The following USP8 variants were observed in gnomAD, a reference collection of about 807,000 sequenced individuals.
The protein encoded by USP8 is ubiquitin specific peptidase 8.
A neutral mutation model predicts 130.0 loss-of-function variants in USP8; 27 were observed. That is an observed-to-expected ratio of 0.21 (90% confidence interval 0.15 to 0.29). The LOEUF is 0.29. Ranked by LOEUF, USP8 falls within the 10% of genes least tolerant of loss-of-function variation. The pLI is 1.00. For missense variants in USP8, 1,029 were observed against 1,312.2 expected, an observed-to-expected ratio of 0.78 and a Z score of 3.33; for synonymous variants, 392 against 444.1, an observed-to-expected ratio of 0.88 and a Z score of 1.48.
Position 50,481,897 on chromosome 15 carries a change from CA to C in USP8, c.1638del (p.Glu547LysfsTer2). The C allele has an allele frequency of 6.3e-7, 1 of 1,589,026 alleles. No homozygotes were observed. Among genetic ancestry groups the C allele is most frequent in the Admixed American group, 1.9e-5 (1 of 53,588 alleles). On this transcript the variant is annotated frameshift_variant, in exon 11 of 20. Coordinates refer to ENST00000307179, the MANE Select transcript of USP8 (RefSeq NM_005154.5). LOFTEE classifies it high-confidence loss of function. ...EDKETSAKRG[K>X]EITGVKRQSK... ...ATAAAGAAACCTCAGCAAAGAGGGG[CA>C]AAGAAATAACAGGAGTAAAAAGACA...
At chr15:50,433,667 G>A (rs754128223) in intron 1 of USP8, among the ~76,000 whole-genome samples, 11 of 151,946 alleles carry the variant, frequency 7.2e-5, no homozygotes, top group African/African-American at 7.3e-5. Flanking sequence ...GTGCAGTGGC[G>A]CGATCTCAGC....
chr15:50,493,182 C>T (rs2052245340), intron 15 of USP8: 1 of 542,638 alleles, frequency 1.8e-6, no homozygotes, highest in Admixed American at 2.3e-5. Flanking sequence ...CTAAACGGCA[C>T]CTAATCCTGT....
Position 50,505,230 on chromosome 15 carries a change from T to A in USP8, c.*6142T>A, listed in dbSNP as rs2052642860. 1 of 151,754 alleles carries A rather than the reference T, an allele frequency of 6.6e-6. No homozygotes were observed. The allele number at this position is 151,754 out of a possible 1,614,324, so 9.4% of individuals were successfully genotyped here. A position where few individuals can be genotyped will look rare whatever the true frequency, so the allele number is the denominator to read the frequency against. The stretch of plus-strand genomic sequence containing the variant: ...GGAAATGCAGCGAGCCAGGGATAAA[T>A]AAAAATAATACTGCAGAACAACAGA... On this transcript the variant is annotated 3_prime_UTR_variant, in exon 20 of 20. Transcript: ENST00000307179.
intron 4 of USP8, among the ~76,000 whole-genome samples, chr15:50,450,806 A>G (rs2050607834): frequency 6.6e-6 from 1 of 152,100 alleles, no homozygotes; most frequent in Non-Finnish European, 1.5e-5. Context: ...TGTTTCCCTT[A>G]TCAACAACAT....
Position 50,481,686 on chromosome 15 carries a change from AAAAC to A in USP8, c.1431_1434del (p.Gln478LysfsTer16). Reference sequence around the variant, plus strand: ...GCAGAAACTGCTCTTCTAATGGAAAAAAACAAACAAGAAAAAGAACTTCGGGAAA... The same window carrying A: ...GCAGAAACTGCTCTTCTAATGGAAAAAAACAAGAAAAAGAACTTCGGGAAA... On this transcript the variant is annotated frameshift_variant, in exon 11 of 20. Transcript: ENST00000307179. LOFTEE classifies it high-confidence loss of function. 1 of 1,612,282 alleles carries A rather than the reference AAAAC, an allele frequency of 6.2e-7. No individual in the cohort carries two copies. Among genetic ancestry groups the A allele is most frequent in the Non-Finnish European group, 8.5e-7 (1 of 1,179,700 alleles).
rs1285769236 is a variant in USP8 at position 50,496,996 on chromosome 15, T to C, written c.2896-93T>C. 7.5e-6 allele frequency: 11 copies of C among 1,462,868 alleles called. No individual in the cohort carries two copies. The East Asian group carries it at 1.2e-4, about 16-fold the overall frequency. The allele number at this position is 1,462,868 out of a possible 1,614,324, so 90.6% of individuals were successfully genotyped here. A position where few individuals can be genotyped will look rare whatever the true frequency, so the allele number is the denominator to read the frequency against. On this transcript the variant is annotated intron_variant, in intron 17 of 19. Coordinates refer to ENST00000307179, the MANE Select transcript of USP8 (RefSeq NM_005154.5). ...TTTGTGTAGATTGCTGTTGAATCAC[T>C]GGTGCCTGCAGAGTGACTAACTAAA...
intron 1 of USP8, among the ~76,000 whole-genome samples, chr15:50,431,719 C>CAA (rs567221300): frequency 1.1e-3 from 172 of 152,218 alleles, no homozygotes; most frequent in African/African-American, 4.1e-3. Flanking sequence ...TGCAGTGGTG[C>CAA]GATCTTGGCT....
At chr15:50,478,806 A>T (rs928915136) in intron 10 of USP8, among the ~76,000 whole-genome samples, 1 of 152,144 alleles carries the variant, frequency 6.6e-6, no homozygotes, top group Admixed American at 6.6e-5. Flanking sequence ...TGTAATCCCA[A>T]CACTTTAGGA....
At chr15:50,464,032 A>G (rs2051101492) in intron 6 of USP8, among the ~76,000 whole-genome samples, 2 of 152,204 alleles carry the variant, frequency 1.3e-5, no homozygotes, top group Non-Finnish European at 2.9e-5. Context: ...AATGAACATC[A>G]AGTAGAATGA....
chr15:50,438,881 G>C, intron 1 of USP8, 128 bp from the exon 2 acceptor site: 1 of 452,834 alleles, frequency 2.2e-6, no homozygotes, highest in South Asian at 3.5e-5. Flanking sequence ...TCCTGAAATA[G>C]ATATTCTAAA....
chr15:50,441,125 G>A (rs2050245638), intron 2 of USP8, among the ~76,000 whole-genome samples: 1 of 152,108 alleles, frequency 6.6e-6, no homozygotes, highest in African/African-American at 2.4e-5. Flanking sequence ...AGGTGGTAAT[G>A]CGAGCAATGG....
chr15:50,459,465 TC>T (rs1222373384), intron 5 of USP8, among the ~76,000 whole-genome samples: 1 of 151,956 alleles, frequency 6.6e-6, no homozygotes, highest in Non-Finnish European at 1.5e-5. Context: ...ATGCCTGTAG[TC>T]CCAGCTACTC....
chr15:50,431,695 T>C (rs1041257288), intron 1 of USP8, among the ~76,000 whole-genome samples: 5 of 152,180 alleles, frequency 3.3e-5, no homozygotes, highest in Non-Finnish European at 7.4e-5. Flanking sequence ...TCACTCTTGT[T>C]GCCCAGGCTG....
chr15:50,489,727 T>C, intron 12 of USP8, 74 bp from the exon 13 acceptor site: 1 of 1,090,982 alleles, frequency 9.2e-7, no homozygotes, highest in Non-Finnish European at 1.2e-6. Context: ...TAAGTTTTTA[T>C]ATGACAAAAT....
At position 50,500,674 on chromosome 15, in the gene USP8, A is replaced by G; in HGVS notation, c.*1586A>G. 3 of 1,224,372 alleles carry G rather than the reference A, an allele frequency of 2.5e-6. No individual in the cohort carries two copies. Among genetic ancestry groups the G allele is most frequent in the Non-Finnish European group, 3.5e-6 (3 of 854,470 alleles). 75.8% of individuals were successfully genotyped at this position (1,224,372 alleles called of 1,614,324 possible). ...TGGCTCTTAACGCTTTTGTATTGGT[A>G]TGGAAAAGGGCTGGCAGCTATAGAA... On this transcript the variant is annotated 3_prime_UTR_variant, in exon 20 of 20. Transcript: ENST00000307179.
At position 50,490,452 on chromosome 15, in the gene USP8, G is replaced by C. The variant is rs1173636295; in HGVS notation, c.2161G>C (p.Asp721His). The C allele has an allele frequency of 6.2e-7, 1 of 1,614,096 alleles. No homozygotes were observed. The highest frequency in any genetic ancestry group is 1.1e-5 in the South Asian group (1 of 91,082). The change falls in exon 14 of 20, where the codon GAT becomes CAT. Residue 721 changes from aspartate to histidine, a missense_variant. Asp to His is a moderately conservative substitution (Grantham distance 81). Transcript: ENST00000307179. Reference sequence around the variant, plus strand: ...ACTGAAGCGCTCCTACTCCTCCCCAGATATAACCCAGGCTATTCAAGAGGA... The same window carrying C: ...ACTGAAGCGCTCCTACTCCTCCCCACATATAACCCAGGCTATTCAAGAGGA... ...SKLKRSYSSP[D>H]ITQAIQEEEK...
intron 4 of USP8, 80 bp from the exon 5 acceptor site, chr15:50,458,920 T>C (rs1366377242): frequency 9.0e-6 from 14 of 1,558,106 alleles, no homozygotes; most frequent in Non-Finnish European, 1.2e-5. Flanking sequence ...GGCAGGATAC[T>C]AATTTTACAG....
At chr15:50,484,166 C>A in intron 11 of USP8, 109 bp from the exon 12 acceptor site, 4 of 713,276 alleles carry the variant, frequency 5.6e-6, no homozygotes, top group East Asian at 3.6e-5. Flanking sequence ...CCTTTTTTTT[C>A]TCCTTTTACA....
At position 50,424,436 on chromosome 15, in the gene USP8, G is replaced by A. The variant is rs2241769; in HGVS notation, c.-144G>A. The stretch of plus-strand genomic sequence containing the variant: ...GGCTGGCTTCCGTCCTGGTAGCCAA[G>A]GCTAATTCTCCCTCGAGTTCTTGGG... On this transcript the variant is annotated 5_prime_UTR_variant, in exon 1 of 20. Coordinates refer to ENST00000307179, the MANE Select transcript of USP8 (RefSeq NM_005154.5). 6 of 398,652 alleles carry A rather than the reference G, an allele frequency of 1.5e-5. No individual in the cohort carries two copies. Among genetic ancestry groups the A allele is most frequent in the Non-Finnish European group, 1.3e-5 (3 of 226,092 alleles). 24.7% of individuals were successfully genotyped at this position (398,652 alleles called of 1,614,324 possible).
Sources: gnomAD v4.1 joint callset for allele counts (sites outside exome capture counted in the v4.1 genomes callset) on GRCh38, gnomAD v4.1.1 for gene constraint, MANE v1.5 for transcripts, NCBI Gene and HGNC (gene_info 2026-07-23, HGNC 2026-07-21) for gene names.